Variants in GON4L observed in about 807,000 individuals in gnomAD.
GON4L encodes the protein gon-4 like.
GON4L carries 87 observed loss-of-function variants against 211.8 expected under a neutral mutation model. The observed-to-expected ratio is 0.41, with a 90% CI of 0.35 to 0.49. GON4L has a LOEUF of 0.49. Ranked by LOEUF, GON4L falls within the 20% of genes least tolerant of loss-of-function variation. GON4L has a pLI of 0.15. For missense variants in GON4L, 2,155 were observed against 2,659.5 expected (o/e 0.81, Z 4.17); for synonymous variants, 875 against 962.6 (o/e 0.91, Z 1.68).
intron 2 of GON4L, among the ~76,000 whole-genome samples, chr1:155,851,694 C>T (rs1473276106): frequency 6.6e-6 from 1 of 151,092 alleles, no homozygotes; most frequent in Non-Finnish European, 1.5e-5. Flanking sequence ...CCAGCCTGGG[C>T]GACAAAGCGA....
chr1:155,806,076 C>T (rs556503600), intron 10 of GON4L, among the ~76,000 whole-genome samples: 2 of 151,048 alleles, frequency 1.3e-5, no homozygotes, highest in Non-Finnish European at 2.9e-5. Context: ...CAGCTTCGAA[C>T]TCCTGGGCTC....
At chr1:155,802,347 T>C (rs1197334847) in intron 11 of GON4L, among the ~76,000 whole-genome samples, 1 of 152,088 alleles carries the variant, frequency 6.6e-6, no homozygotes, top group Non-Finnish European at 1.5e-5. Context: ...TTTATTTCTG[T>C]AATATTTGAT....
chr1:155,820,630 C>T lies in GON4L; in HGVS notation c.990G>A (p.Leu330=). The change falls in exon 6 of 32, where the codon CTG becomes CTA. Residue 330 remains leucine, a synonymous_variant. Transcript: ENST00000368331. The part of the protein sequence containing the change: ...MFEPKMTRSK[L]KEVVEKGVVI... ...CCACTCCTTTTTCCACTACTTCCTT[C>T]AGTTTAGAGCGTGTCATTTTAGGCT... is the stretch of plus-strand genomic sequence containing the variant. The T allele has an allele frequency of 6.2e-7, 1 of 1,610,750 alleles. No individual in the cohort carries two copies. The highest frequency in any genetic ancestry group is 8.5e-7 in the Non-Finnish European group (1 of 1,177,090).
At chr1:155,814,644 G>A (rs1345104427) in intron 8 of GON4L, among the ~76,000 whole-genome samples, 195 bp from the exon 9 acceptor site, 1 of 151,970 alleles carries the variant, frequency 6.6e-6, no homozygotes, top group African/African-American at 2.4e-5. Flanking sequence ...TACTCGGGAG[G>A]CTGAGGCAGG....
At chr1:155,811,918 G>A (rs536852834) in intron 10 of GON4L, among the ~76,000 whole-genome samples, 33 of 151,714 alleles carry the variant, frequency 2.2e-4, no homozygotes, top group Non-Finnish European at 4.3e-4. Context: ...CAGGCGTGGT[G>A]GTGGGCACCT....
chr1:155,843,078 T>C (rs1314660969), intron 2 of GON4L, among the ~76,000 whole-genome samples: 1 of 152,128 alleles, frequency 6.6e-6, no homozygotes, highest in Non-Finnish European at 1.5e-5. Flanking sequence ...TTAAAGTTGC[T>C]ATTTCACAAG....
At chr1:155,789,531 G>A (rs910295339) in intron 12 of GON4L, among the ~76,000 whole-genome samples, 2 of 151,786 alleles carry the variant, frequency 1.3e-5, no homozygotes, top group Non-Finnish European at 2.9e-5. Flanking sequence ...ATCTCAGCTG[G>A]TCAGGAGGCT....
At position 155,856,734 on chromosome 1, in the gene GON4L, G is replaced by C. The variant is rs560266734; in HGVS notation, c.-27+413C>G. Among the ~76,000 whole-genome samples, 22 of 151,560 alleles carry C rather than the reference G, an allele frequency of 1.5e-4. No homozygotes were observed. In the South Asian group the frequency reaches 4.4e-3, roughly 30 times the overall value. On this transcript the variant is annotated intron_variant, in intron 1 of 31. Transcript: ENST00000368331. ...GCCAGGGCAGCTCTTTTATTTCACA[G>C]ATAATTACTGAGATCAAAAAAAGGG...
intron 12 of GON4L, among the ~76,000 whole-genome samples, chr1:155,790,479 C>T (rs566171402): frequency 6.5e-4 from 96 of 148,554 alleles, no homozygotes; most frequent in Non-Finnish European, 8.6e-4. Context: ...TGTGCTCAAG[C>T]GATCCTCCTG....
chr1:155,845,847 A>C, intron 2 of GON4L: 1 of 252,260 alleles, frequency 4.0e-6, no homozygotes, highest in South Asian at 5.6e-5. Context: ...GTGACCAGTG[A>C]AACTGCAGCA....
chr1:155,811,146 A>G (rs567608990), intron 10 of GON4L, among the ~76,000 whole-genome samples: 2 of 152,208 alleles, frequency 1.3e-5, no homozygotes, highest in South Asian at 4.1e-4. Flanking sequence ...TAATCCCAGC[A>G]TTTTGGGAGG....
chr1:155,797,600 T>C (rs557310871), intron 11 of GON4L, among the ~76,000 whole-genome samples: 12 of 151,492 alleles, frequency 7.9e-5, no homozygotes, highest in African/African-American at 2.7e-4. Flanking sequence ...TCCCAGAACT[T>C]TGGGAGGCCG....
rs187304363 is a variant in GON4L at position 155,830,431 on chromosome 1, C to T, written c.506-3403G>A. ...TGGCTGGGATTATAGGCATGCACCA[C>T]CACGCCCAGCTAATTTTGTATTTTT... On this transcript the variant is annotated intron_variant, in intron 2 of 31. Coordinates refer to ENST00000368331, the MANE Select transcript of GON4L (RefSeq NM_001282860.2). Among the ~76,000 whole-genome samples the T allele has an allele frequency of 3.7e-3, 563 of 151,718 alleles. 4 individuals carry two copies. The highest frequency in any genetic ancestry group is 0.013 in the African/African-American group (542 of 41,334).
intron 2 of GON4L, among the ~76,000 whole-genome samples, chr1:155,837,371 C>T (rs1382964495): frequency 2.6e-5 from 4 of 152,172 alleles, no homozygotes; most frequent in Admixed American, 2.0e-4. Flanking sequence ...TCCAAGGACA[C>T]GCCCTGAACA....
At chr1:155,825,912 A>G (rs374985452) in intron 3 of GON4L, among the ~76,000 whole-genome samples, 80 of 152,068 alleles carry the variant, frequency 5.3e-4, no homozygotes, top group African/African-American at 1.8e-3. Flanking sequence ...GCATGATGGC[A>G]GGTGCCTGTA....
intron 11 of GON4L, among the ~76,000 whole-genome samples, chr1:155,796,444 AT>A (rs1393122572): frequency 6.6e-6 from 1 of 151,810 alleles, no homozygotes. Context: ...CGCCCGGCTA[AT>A]TTTTCTATTT....
intron 6 of GON4L, among the ~76,000 whole-genome samples, chr1:155,819,008 G>A (rs1668505323): frequency 6.6e-6 from 1 of 151,714 alleles, no homozygotes; most frequent in African/African-American, 2.4e-5. Context: ...AAAACAAAAA[G>A]GCCAGGCACA....
At position 155,762,155 on chromosome 1, in the gene GON4L, G is replaced by A. The variant is rs751633319; in HGVS notation, c.4911+35C>T. 7.8e-6 allele frequency: 12 copies of A among 1,531,656 alleles called. No homozygotes were observed. In the South Asian group the frequency reaches 1.4e-4, roughly 18 times the overall value. The allele number at this position is 1,531,656 out of a possible 1,614,324, so 94.9% of individuals were successfully genotyped here. On this transcript the variant is annotated intron_variant, in intron 23 of 31. Transcript: ENST00000368331. ...CCTTGAAGAAGCAGCCACATTCATA[G>A]AGACTGGCAATAACAGGAAGCAGCA...
In GON4L at chr1:155,810,184, C is replaced by T. The variant is rs959231938; in HGVS notation, c.1452+3450G>A. ...CTAATTTTTGTATTTTTAGTGGAGA[C>T]GGGGTTTCACCATGTTGACCAGGCT... is the stretch of plus-strand genomic sequence containing the variant. On this transcript the variant is annotated intron_variant, in intron 10 of 31. Transcript: ENST00000368331. Among the ~76,000 whole-genome samples the T allele has an allele frequency of 7.3e-5, 11 of 150,268 alleles. No individual in the cohort carries two copies. In the East Asian group the frequency reaches 7.8e-4, roughly 11 times the overall value.
Sources: gnomAD v4.1 joint callset for allele counts (sites outside exome capture counted in the v4.1 genomes callset) on GRCh38, gnomAD v4.1.1 for gene constraint, MANE v1.5 for transcripts, NCBI Gene and HGNC (gene_info 2026-07-23, HGNC 2026-07-21) for gene names.